The following SFSWAP variants were observed in gnomAD, a reference collection of about 807,000 sequenced individuals.
SFSWAP encodes splicing factor, suppressor of white-apricot homolog.
A neutral mutation model predicts 100.7 loss-of-function variants in SFSWAP; 17 were observed. The observed-to-expected ratio is 0.17, with a 90% CI of 0.12 to 0.25. SFSWAP has a LOEUF of 0.25. Among genes scored for constraint, SFSWAP ranks in the 10% least tolerant of loss-of-function variants. The pLI, the probability that SFSWAP is intolerant of heterozygous loss-of-function variation, is 1.00. For missense variants in SFSWAP, 1,005 were observed against 1,262.6 expected (o/e 0.80, Z 3.09); for synonymous variants, 504 against 510.1 (o/e 0.99, Z 0.16).
intron 4 of SFSWAP, among the ~76,000 whole-genome samples, chr12:131,720,104 G>C (rs751877734): frequency 7.2e-5 from 11 of 152,184 alleles, no homozygotes; most frequent in Non-Finnish European, 1.3e-4. Context: ...GTTCAGCATT[G>C]ACCTTTCCTG....
chr12:131,733,266 T>C lies in SFSWAP; in HGVS notation c.1081+4838T>C, dbSNP rs1879682411. Among the ~76,000 whole-genome samples, 1 of 152,158 alleles carries C rather than the reference T, an allele frequency of 6.6e-6. No homozygotes were observed. The highest frequency in any genetic ancestry group is 1.9e-4 in the East Asian group (1 of 5,182). On this transcript the variant is annotated intron_variant, in intron 7 of 17. Transcript: ENST00000261674. The surrounding 1 kb of genome is among the most constrained non-coding windows in gnomAD (Gnocchi z 5.1). ...TCCTCACCCTGCCCTGTGAGAACTT[T>C]CGTATGTGTGTCTCTGCCATCTCCT...
chr12:131,768,878 C>T (rs1883340797), intron 13 of SFSWAP, among the ~76,000 whole-genome samples: 1 of 152,094 alleles, frequency 6.6e-6, no homozygotes, highest in Non-Finnish European at 1.5e-5. Flanking sequence ...AATCCGAACA[C>T]TTTGGGAGGC....
chr12:131,768,258 G>T (rs1297275698), intron 13 of SFSWAP, among the ~76,000 whole-genome samples: 2 of 152,178 alleles, frequency 1.3e-5, no homozygotes, highest in East Asian at 1.9e-4. Flanking sequence ...GTGGCCCCAC[G>T]TGTCTTTTGT....
intron 14 of SFSWAP, among the ~76,000 whole-genome samples, chr12:131,779,445 T>G (rs1205384294): frequency 2.0e-5 from 3 of 152,132 alleles, no homozygotes; most frequent in Admixed American, 6.5e-5. Context: ...GTAAAAACAT[T>G]TAAGAGTCAC....
intron 8 of SFSWAP, among the ~76,000 whole-genome samples, chr12:131,753,828 G>A (rs1299621947): frequency 1.3e-5 from 2 of 152,174 alleles, no homozygotes; most frequent in African/African-American, 2.4e-5. Flanking sequence ...GAAGCCATCG[G>A]CAGAGCCCTA....
At chr12:131,726,599 AG>A (rs1879003752) in intron 5 of SFSWAP, among the ~76,000 whole-genome samples, 1 of 152,180 alleles carries the variant, frequency 6.6e-6, no homozygotes, top group Non-Finnish European at 1.5e-5. Context: ...GTTTTGTTGT[AG>A]TTGTTTATTT....
Position 131,718,243 on chromosome 12 carries a change from C to T in SFSWAP, c.521-1211C>T, listed in dbSNP as rs931827164. Among the ~76,000 whole-genome samples the T allele has an allele frequency of 2.6e-5, 4 of 152,308 alleles. No individual in the cohort carries two copies. The East Asian group carries it at 7.7e-4, about 29-fold the overall frequency. On this transcript the variant is annotated intron_variant, in intron 3 of 17. Transcript: ENST00000261674. The stretch of plus-strand genomic sequence containing the variant: ...CACGGAATGAGGTTTGACAGGAGAT[C>T]TTTGCAAATTATTGATCGCTTCAAG...
intron 7 of SFSWAP, among the ~76,000 whole-genome samples, chr12:131,748,747 C>A (rs900138975): frequency 6.6e-5 from 10 of 152,242 alleles, no homozygotes; most frequent in Admixed American, 4.6e-4. Context: ...GAAGGACTTA[C>A]AAATGTGCTT....
intron 7 of SFSWAP, among the ~76,000 whole-genome samples, chr12:131,749,570 G>T (rs1336709955): frequency 6.6e-6 from 1 of 152,174 alleles, no homozygotes; most frequent in African/African-American, 2.4e-5. Context: ...AGTTTAAAGG[G>T]CTTCAGTCCA....
In SFSWAP at chr12:131,766,301, G is replaced by C. The variant is rs1413853052; in HGVS notation, c.2135G>C (p.Ser712Thr). 1 of 1,614,012 alleles carries C rather than the reference G, an allele frequency of 6.2e-7. No individual in the cohort carries two copies. ...EAGKIEESPF[S>T]VEESSTTPCP... Reference sequence around the variant, plus strand: ...GGGAAAATTGAGGAGAGTCCTTTCAGTGTCGAGGTATAGTAAAATCCCACA... The same window carrying C: ...GGGAAAATTGAGGAGAGTCCTTTCACTGTCGAGGTATAGTAAAATCCCACA... Residue 712 changes from serine (S) to threonine (T), a missense_variant, in exon 13 of 18, where the codon AGT becomes ACT. This residue lies in a region of SFSWAP where 295 missense variants were observed against 347.9 expected (regional missense o/e 0.85). Transcript: ENST00000261674.
chr12:131,799,034 T>C lies in SFSWAP; in HGVS notation c.2718-3T>C. 1 of 1,610,440 alleles carries C rather than the reference T, an allele frequency of 6.2e-7. No homozygotes were observed. Among genetic ancestry groups the C allele is most frequent in the Non-Finnish European group, 8.5e-7 (1 of 1,176,614 alleles). ...AGCTCTGCTCTCTCTCTCTCTGCAT[T>C]AGGGGAGTCTCTCAGGAAAAAGAAG... On this transcript the variant is annotated splice_polypyrimidine_tract_variant and splice_region_variant and intron_variant, in intron 16 of 17. Transcript: ENST00000261674.
In SFSWAP at chr12:131,756,576, G is replaced by C; in HGVS notation, c.1652G>C (p.Arg551Pro). 2.5e-6 allele frequency: 4 copies of C among 1,613,672 alleles called. No homozygotes were observed. Among genetic ancestry groups the C allele is most frequent in the Non-Finnish European group, 3.4e-6 (4 of 1,179,884 alleles). ...GAAGACGCAGCCGAGGTGGGAGCAC[G>C]GGCAGGCTCAGGCGGGAAGAAGGAG... ...APEDAAEVGARAGSGGKKEAS... is the reference protein window; with the variant it reads ...APEDAAEVGAPAGSGGKKEAS... Residue 551 changes from arginine (R) to proline (P), a missense_variant, in exon 11 of 18, where the codon CGG becomes CCG. Arg to Pro is a moderately radical substitution (Grantham distance 103). This residue lies in a region of SFSWAP where 311 missense variants were observed against 317.8 expected (regional missense o/e 0.98). Transcript: ENST00000261674.
chr12:131,745,070 G>GCCAAACCATA (rs1462175561), intron 7 of SFSWAP, among the ~76,000 whole-genome samples: 1 of 152,224 alleles, frequency 6.6e-6, no homozygotes, highest in Non-Finnish European at 1.5e-5. Flanking sequence ...TGGGGACACA[G>GCCAAACCATA]CCAAACCATA....
chr12:131,713,099 G>T (rs1441809670), intron 1 of SFSWAP: 4 of 151,668 alleles, frequency 2.6e-5, no homozygotes, highest in Non-Finnish European at 5.9e-5. Flanking sequence ...AATATTTTTG[G>T]TTCCCATTAC....
intron 13 of SFSWAP, 95 bp from the exon 14 acceptor site, chr12:131,777,970 G>A (rs1327406830): frequency 3.3e-6 from 5 of 1,518,902 alleles, no homozygotes; most frequent in Admixed American, 2.3e-5. Flanking sequence ...TGCTGTGTTT[G>A]TTGGTGTGAG....
chr12:131,714,714 G>GA lies in SFSWAP; in HGVS notation c.389-102dup. The GA allele has an allele frequency of 1.5e-5, 15 of 1,005,696 alleles. No homozygotes were observed. In the South Asian group the frequency reaches 2.4e-4, roughly 16 times the overall value. 62.3% of individuals were successfully genotyped at this position (1,005,696 alleles called of 1,614,324 possible). ...AACTATTTTACCTCAAAAGTAGGTT[G>GA]AAAAAAGTATGTTGTATGCTTTACT... On this transcript the variant is annotated intron_variant, in intron 2 of 17. Coordinates refer to ENST00000261674, the MANE Select transcript of SFSWAP (RefSeq NM_004592.4). This position sits in a 1 kb window ranked among gnomAD's most constrained non-coding sequence, Gnocchi z 6.0.
chr12:131,754,404 C>T lies in SFSWAP; in HGVS notation c.1359C>T (p.Pro453=), dbSNP rs1403714986. 7 of 1,597,260 alleles carry T rather than the reference C, an allele frequency of 4.4e-6. No individual in the cohort carries two copies. Among genetic ancestry groups the T allele is most frequent in the Non-Finnish European group, 5.1e-6 (6 of 1,173,984 alleles). The change falls in exon 9 of 18, where the codon CCC becomes CCT. Residue 453 remains proline (P), a synonymous_variant. Coordinates refer to ENST00000261674, the MANE Select transcript of SFSWAP (RefSeq NM_004592.4). ...CCGTGGCCGCCATCATCCCCCCGCC[C>T]CCCGACGTCCAGCCCGTGATTGACA... ...LAPVAAIIPP[P]PDVQPVIDKL... is the part of the protein sequence containing the mutation.
chr12:131,788,247 C>T (rs965406656), intron 15 of SFSWAP, among the ~76,000 whole-genome samples: 5 of 152,176 alleles, frequency 3.3e-5, no homozygotes, highest in Non-Finnish European at 7.3e-5. Context: ...ACTCAGACGC[C>T]AGACTCGCGT....
intron 7 of SFSWAP, among the ~76,000 whole-genome samples, chr12:131,749,227 G>C (rs1044565186): frequency 3.4e-4 from 52 of 152,204 alleles, no homozygotes; most frequent in Non-Finnish European, 8.8e-5. Flanking sequence ...ACTTCACGGT[G>C]TTGTCAGTGT....
Sources: gnomAD v4.1 joint callset for allele counts (sites outside exome capture counted in the v4.1 genomes callset) on GRCh38, gnomAD v4.1.1 for gene constraint, gnomAD v4.1.1 regional missense constraint, Gnocchi (gnomAD v3.1) non-coding constraint, MANE v1.5 for transcripts, NCBI Gene and HGNC (gene_info 2026-07-23, HGNC 2026-07-21) for gene names.